The following TNNI3K variants were observed in gnomAD, a reference collection of about 807,000 sequenced individuals.
TNNI3K encodes the protein TNNI3 interacting kinase.
Under a neutral mutation model 114.5 loss-of-function variants are expected in TNNI3K, and 140 were observed. That is an observed-to-expected ratio of 1.22 (90% CI 1.07 to 1.41). TNNI3K has a LOEUF of 1.41. TNNI3K is among the 40% of genes most tolerant of loss of function. TNNI3K has a pLI of 0.00. For synonymous variants in TNNI3K, 347 were observed against 347.5 expected, an observed-to-expected ratio of 1.00 and a Z score of 0.02; for missense variants, 1,125 against 1,007.6, an observed-to-expected ratio of 1.12 and a Z score of -1.58.
chr1:74,411,205 G>T (rs1286175053), intron 17 of TNNI3K, among the ~76,000 whole-genome samples: 3 of 152,112 alleles, frequency 2.0e-5, no homozygotes, highest in Non-Finnish European at 4.4e-5. Flanking sequence ...AAAGATAATA[G>T]TGTGACAATT....
At chr1:74,330,204 T>C (rs757350394) in intron 5 of TNNI3K, among the ~76,000 whole-genome samples, 2 of 152,078 alleles carry the variant, frequency 1.3e-5, no homozygotes, top group South Asian at 4.1e-4. Flanking sequence ...ATTGATTATT[T>C]TGAGCTACAG....
At chr1:74,459,591 T>G (rs907187776) in intron 20 of TNNI3K, among the ~76,000 whole-genome samples, 1 of 152,228 alleles carries the variant, frequency 6.6e-6, no homozygotes, top group Non-Finnish European at 1.5e-5. Context: ...TTTATTCATT[T>G]ACCAATTTTC....
At chr1:74,480,743 T>C (rs1289656732) in intron 21 of TNNI3K, 1 of 717,488 alleles carries the variant, frequency 1.4e-6, no homozygotes, top group East Asian at 2.7e-5. Context: ...GCTGTGAAGC[T>C]TGCTGAAGGT....
At position 74,342,839 on chromosome 1, in the gene TNNI3K, C is replaced by T; in HGVS notation, c.683-3C>T. 6.2e-7 allele frequency: 1 copy of T among 1,613,424 alleles called. No homozygotes were observed. The highest frequency in any genetic ancestry group is 8.5e-7 in the Non-Finnish European group (1 of 1,179,754). The stretch of plus-strand genomic sequence containing the variant: ...ATATCTTTTTCTTTCTTGCTGATAA[C>T]AGTGAATGCTCAAGATAATGAAGAC... On this transcript the variant is annotated splice_polypyrimidine_tract_variant and splice_region_variant and intron_variant, in intron 7 of 24. Transcript: ENST00000326637.
intron 9 of TNNI3K, among the ~76,000 whole-genome samples, chr1:74,347,287 G>A (rs1364268051): frequency 6.6e-6 from 1 of 151,548 alleles, no homozygotes; most frequent in Non-Finnish European, 1.5e-5. Context: ...TGCTGAGAAT[G>A]ATGGTTTCCA....
intron 17 of TNNI3K, among the ~76,000 whole-genome samples, chr1:74,396,944 T>TG (rs1664114610): frequency 6.6e-6 from 1 of 152,052 alleles, no homozygotes; most frequent in East Asian, 1.9e-4. Flanking sequence ...GACTGATGGA[T>TG]GGAATGAGAA....
At chr1:74,540,424 T>C (rs562865775) in intron 24 of TNNI3K, 111 bp downstream of exon 24, 1 of 996,054 alleles carries the variant, frequency 1.0e-6, no homozygotes, top group East Asian at 2.7e-5. Flanking sequence ...AAATGACAGA[T>C]GCTTTAAAAA....
chr1:74,385,158 C>T (rs45464592), intron 17 of TNNI3K, among the ~76,000 whole-genome samples: 3,674 of 152,110 alleles, frequency 0.024, 94 homozygotes, highest in Middle Eastern at 0.078. Context: ...ACCATATTAT[C>T]CCACTTGTAT....
At chr1:74,309,923 A>G (rs1469287282) in intron 5 of TNNI3K, among the ~76,000 whole-genome samples, 6 of 152,056 alleles carry the variant, frequency 3.9e-5, no homozygotes, top group African/African-American at 1.4e-4. Flanking sequence ...TATTCTCACC[A>G]CTCCTATTCA....
At chr1:74,476,637 T>A (rs1053941031) in intron 21 of TNNI3K, among the ~76,000 whole-genome samples, 1 of 152,118 alleles carries the variant, frequency 6.6e-6, no homozygotes, top group Non-Finnish European at 1.5e-5. Flanking sequence ...TCATTGGTGA[T>A]CTAATCTTAT....
At chr1:74,242,340 A>T (rs190541321) in intron 2 of TNNI3K, among the ~76,000 whole-genome samples, 2 of 152,272 alleles carry the variant, frequency 1.3e-5, no homozygotes, top group East Asian at 3.9e-4. Flanking sequence ...AGAGGAAATA[A>T]AAAAATGTTT....
intron 17 of TNNI3K, among the ~76,000 whole-genome samples, chr1:74,428,996 C>A (rs146013267): frequency 3.6e-4 from 55 of 152,076 alleles, no homozygotes; most frequent in Non-Finnish European, 6.3e-4. Context: ...TTAAAGTATG[C>A]GATATCTCAT....
In TNNI3K at chr1:74,396,729, A is replaced by G. The variant is rs530910547; in HGVS notation, c.1772+26337A>G. Among the ~76,000 whole-genome samples, 8 of 152,322 alleles carry G rather than the reference A, an allele frequency of 5.3e-5. No homozygotes were observed. The South Asian group carries it at 1.7e-3, about 32-fold the overall frequency. ...TAGGGAGCTAATAATTAGAGGGATT[A>G]GAGTCCACTCCTAGGGCACAGAATG... On this transcript the variant is annotated intron_variant, in intron 17 of 24. Coordinates refer to ENST00000326637, the MANE Select transcript of TNNI3K (RefSeq NM_015978.3).
intron 21 of TNNI3K, chr1:74,464,930 C>A (rs1390361067): frequency 8.0e-7 from 1 of 1,252,974 alleles, no homozygotes; most frequent in African/African-American, 1.5e-5. Context: ...CCAGTATTGC[C>A]TATCAGTGCC....
intron 17 of TNNI3K, among the ~76,000 whole-genome samples, chr1:74,390,977 A>AAC (rs1392832842): frequency 1.3e-5 from 2 of 151,582 alleles, no homozygotes; most frequent in African/African-American, 4.8e-5. Context: ...AAAAAAAAAA[A>AAC]AACTGTGTGA....
chr1:74,472,352 A>G (rs139553902), intron 21 of TNNI3K, among the ~76,000 whole-genome samples: 23 of 152,296 alleles, frequency 1.5e-4, no homozygotes, highest in Admixed American at 2.6e-4. Context: ...CAAACCTACA[A>G]AGGACATTTG....
At chr1:74,429,511 A>G (rs967593437) in intron 17 of TNNI3K, among the ~76,000 whole-genome samples, 1 of 152,118 alleles carries the variant, frequency 6.6e-6, no homozygotes, top group African/African-American at 2.4e-5. Context: ...AGCTGCCAAA[A>G]GTTCATGAGG....
chr1:74,351,062 T>C (rs1035735892), intron 9 of TNNI3K, among the ~76,000 whole-genome samples: 4 of 151,322 alleles, frequency 2.6e-5, no homozygotes, highest in African/African-American at 7.3e-5. Flanking sequence ...TTCCTAGCCT[T>C]GATGGTCTTT....
intron 5 of TNNI3K, 73 bp from the exon 6 acceptor site, chr1:74,331,377 G>A (rs1660195362): frequency 1.4e-6 from 2 of 1,471,304 alleles, no homozygotes; most frequent in Non-Finnish European, 1.8e-6. Context: ...TTTGTGCATG[G>A]TGGTTGTAAA....
Sources: allele counts gnomAD v4.1 joint callset (sites outside exome capture counted in the v4.1 genomes callset), GRCh38; gene constraint gnomAD v4.1.1; transcripts MANE v1.5; gene names NCBI Gene and HGNC (gene_info 2026-07-23, HGNC 2026-07-21).